ARHGEF2: variants seen among roughly 807,000 people sequenced by gnomAD.
The protein encoded by ARHGEF2 is Rho/Rac guanine nucleotide exchange factor 2, also known as rho guanine nucleotide exchange factor 2.
Under a neutral mutation model 121.0 loss-of-function variants are expected in ARHGEF2, and 22 were observed. That is an observed-to-expected ratio of 0.18 (90% CI 0.13 to 0.26). The LOEUF is 0.26. Among genes scored for constraint, ARHGEF2 ranks in the 10% least tolerant of loss-of-function variants. The pLI, the probability that ARHGEF2 is intolerant of heterozygous loss-of-function variation, is 1.00. For synonymous variants in ARHGEF2, 487 were observed against 530.0 expected (o/e 0.92, Z 1.11); for missense variants, 907 against 1,336.0 (o/e 0.68, Z 5.01).
At position 155,951,180 on chromosome 1, in the gene ARHGEF2, A is replaced by G; in HGVS notation, c.2352T>C (p.Asp784=). ...REKLCRANSR[D]GEAGRAGAAP... is the part of the protein sequence containing the mutation. Reference sequence around the variant, plus strand: ...CAGCCCCAGCCCTGCCAGCCTCCCCATCCCGAGAGTTGGCTCGGCACAGCT... The same window carrying G: ...CAGCCCCAGCCCTGCCAGCCTCCCCGTCCCGAGAGTTGGCTCGGCACAGCT... Residue 784 remains aspartate, a synonymous_variant, in exon 20 of 22, where the codon GAT becomes GAC. Transcript: ENST00000361247. The surrounding 1 kb of genome is among the most constrained non-coding windows in gnomAD (Gnocchi z 5.1). 6.2e-7 allele frequency: 1 copy of G among 1,607,532 alleles called. No individual in the cohort carries two copies. The highest frequency in any genetic ancestry group is 8.5e-7 in the Non-Finnish European group (1 of 1,178,296).
chr1:155,954,549 A>G (rs1235054612), intron 14 of ARHGEF2, among the ~76,000 whole-genome samples: 2 of 150,200 alleles, frequency 1.3e-5, no homozygotes, highest in African/African-American at 4.9e-5. Context: ...CGGCCTCCCA[A>G]AGTGCTGGGA....
chr1:155,964,160 A>ATG (rs1558030044), intron 7 of ARHGEF2, among the ~76,000 whole-genome samples: 1 of 95,112 alleles, frequency 1.1e-5, no homozygotes, highest in Non-Finnish European at 1.9e-5. Flanking sequence ...AAAAAAAAAA[A>ATG]AAAAAAAATA....
intron 11 of ARHGEF2, 100 bp from the exon 12 acceptor site, chr1:155,958,496 TC>T: frequency 1.1e-6 from 1 of 875,950 alleles, no homozygotes; most frequent in Non-Finnish European, 1.8e-6. Flanking sequence ...AGGTTAGAGC[TC>T]CCAGTTTCCC....
chr1:155,962,730 T>G lies in ARHGEF2; in HGVS notation c.976-12A>C. On this transcript the variant is annotated splice_polypyrimidine_tract_variant and intron_variant, in intron 8 of 21. Transcript: ENST00000361247. The surrounding 1 kb of genome is among the most constrained non-coding windows in gnomAD (Gnocchi z 5.8). ...CTAGGACCTGAGAACTAGAAGTTGG[T>G]CGAGTAAGGTTAGGTCAGCATTCCC... is the stretch of plus-strand genomic sequence containing the variant. 1 of 1,614,056 alleles carries G rather than the reference T, an allele frequency of 6.2e-7. No individual in the cohort carries two copies. The highest frequency in any genetic ancestry group is 8.5e-7 in the Non-Finnish European group (1 of 1,179,976).
intron 14 of ARHGEF2, among the ~76,000 whole-genome samples, chr1:155,953,980 GT>G (rs1356747100): frequency 6.6e-6 from 1 of 151,494 alleles, no homozygotes; most frequent in African/African-American, 2.4e-5. Context: ...CCTTGTTGGG[GT>G]TTTTTTTGTT....
rs1572059451 is a variant in ARHGEF2, at chr1:155,952,245, A to G, written c.1985-10T>C. ...TCTTTCAGACCCTCCACTGTGGGGA[A>G]AGAGGAAGAGGTGAGAACAGGAATG... On this transcript the variant is annotated splice_polypyrimidine_tract_variant and intron_variant, in intron 15 of 21. Transcript: ENST00000361247. 1.9e-6 allele frequency: 3 copies of G among 1,613,668 alleles called. No homozygotes were observed. Among genetic ancestry groups the G allele is most frequent in the African/African-American group, 1.3e-5 (1 of 74,942 alleles).
intron 1 of ARHGEF2, chr1:155,977,953 G>A (rs1341376447): frequency 8.2e-6 from 3 of 365,976 alleles, no homozygotes; most frequent in South Asian, 2.1e-4. Context: ...GGAGTGATGG[G>A]GGGTCGCCAC....
At position 155,965,333 on chromosome 1, in the gene ARHGEF2, T is replaced by C; in HGVS notation, c.550A>G (p.Thr184Ala). The change falls in exon 6 of 22, where the codon ACC becomes GCC. Residue 184 changes from threonine to alanine, a missense_variant. Thr to Ala is a moderately conservative substitution (Grantham distance 58). This residue lies in a region of ARHGEF2 where 475 missense variants were observed against 776.5 expected (regional missense o/e 0.61). Coordinates refer to ENST00000361247, the MANE Select transcript of ARHGEF2 (RefSeq NM_001162383.2). This position sits in a 1 kb window ranked among gnomAD's most constrained non-coding sequence, Gnocchi z 6.0. ...TCAATGAGGGATTCCACGGATAGGG[T>C]TCGGTTCCGCATGTTGAGGGAGTCT... ...STDSLNMRNRTLSVESLIDEA... is the reference protein window; with the variant it reads ...STDSLNMRNRALSVESLIDEA... The C allele has an allele frequency of 6.2e-7, 1 of 1,614,044 alleles. No homozygotes were observed. The highest frequency in any genetic ancestry group is 1.3e-5 in the African/African-American group (1 of 74,992).
chr1:155,950,134 T>G lies in ARHGEF2; in HGVS notation c.2887+165A>C. On this transcript the variant is annotated intron_variant, in intron 21 of 21. Transcript: ENST00000361247. The surrounding 1 kb of genome is among the most constrained non-coding windows in gnomAD (Gnocchi z 5.2). ...TTGGAGGAGAGAGGCCCCTCCTGCTTCCTAGACTTCCACCACCCATTCATC... is the reference window on the plus strand; with the variant it reads ...TTGGAGGAGAGAGGCCCCTCCTGCTGCCTAGACTTCCACCACCCATTCATC... 1.2e-6 allele frequency: 1 copy of G among 815,140 alleles called. No homozygotes were observed. 50.5% of individuals were successfully genotyped at this position (815,140 alleles called of 1,614,324 possible).
chr1:155,963,280 A>C, intron 7 of ARHGEF2, 97 bp from the exon 8 acceptor site: 1 of 1,221,870 alleles, frequency 8.2e-7, no homozygotes, highest in South Asian at 1.3e-5. Context: ...GAGGTTTTCA[A>C]GGTCCATTCC....
chr1:155,969,065 A>G, intron 2 of ARHGEF2, 91 bp downstream of exon 2: 1 of 1,506,322 alleles, frequency 6.6e-7, no homozygotes, highest in South Asian at 1.2e-5. Context: ...GAGAAGAGTG[A>G]CCCTCATGGA....
upstream of ARHGEF2, chr1:155,979,203 C>G (rs1681887226): frequency 1.0e-6 from 1 of 985,612 alleles, no homozygotes; most frequent in Non-Finnish European, 1.2e-6. Context: ...TGACCCCACT[C>G]TGCCCTCCTC....
In ARHGEF2 at chr1:155,962,249, G is replaced by C. The variant is rs1416527737; in HGVS notation, c.1102-27C>G. The C allele has an allele frequency of 5.0e-6, 8 of 1,604,622 alleles. No individual in the cohort carries two copies. Among genetic ancestry groups the C allele is most frequent in the Non-Finnish European group, 6.0e-6 (7 of 1,172,428 alleles). On this transcript the variant is annotated intron_variant, in intron 9 of 21. Transcript: ENST00000361247. The surrounding 1 kb of genome is among the most constrained non-coding windows in gnomAD (Gnocchi z 5.8). ...TACAAGGGAGGAGGCAGGGCTCAGG[G>C]CCAGAGGGGAGGGCAACAGAAAGGC... is the stretch of plus-strand genomic sequence containing the variant.
Position 155,978,229 on chromosome 1 carries a change from G to A in ARHGEF2, c.63+136C>T, listed in dbSNP as rs1449040860. 1.6e-5 allele frequency: 16 copies of A among 973,168 alleles called. No individual in the cohort carries two copies. In the South Asian group the frequency reaches 2.8e-4, roughly 17 times the overall value. 60.3% of individuals were successfully genotyped at this position (973,168 alleles called of 1,614,324 possible). A position where few individuals can be genotyped will look rare whatever the true frequency, so the allele number is the denominator to read the frequency against. On this transcript the variant is annotated intron_variant, in intron 1 of 21. Coordinates refer to ENST00000361247, the MANE Select transcript of ARHGEF2 (RefSeq NM_001162383.2). This position sits in a 1 kb window ranked among gnomAD's most constrained non-coding sequence, Gnocchi z 4.1. ...TCGCAGTCCCCACCCACCCCGTCCCGCCGCTCGCCGATCCACCGCTCCGCC... is the reference window on the plus strand; with the variant it reads ...TCGCAGTCCCCACCCACCCCGTCCCACCGCTCGCCGATCCACCGCTCCGCC...
chr1:155,976,354 C>A (rs1681290863), intron 1 of ARHGEF2, among the ~76,000 whole-genome samples: 1 of 151,768 alleles, frequency 6.6e-6, no homozygotes, highest in African/African-American at 2.4e-5. Flanking sequence ...CCCCTTCCGA[C>A]CGGCCCAAAC....
Position 155,962,587 on chromosome 1 carries a change from G to A in ARHGEF2, c.1101+6C>T, listed in dbSNP as rs779399838. 43 of 1,612,940 alleles carry A rather than the reference G, an allele frequency of 2.7e-5. No homozygotes were observed. The highest frequency in any genetic ancestry group is 1.9e-4 in the Middle Eastern group (1 of 5,368). ...ATGAGCATGGGATCTGGAGAGGTCC[G>A]CTCACCCGGATGAATTGCTGGAAGC... On this transcript the variant is annotated splice_donor_region_variant and intron_variant, in intron 9 of 21. Coordinates refer to ENST00000361247, the MANE Select transcript of ARHGEF2 (RefSeq NM_001162383.2). The surrounding 1 kb of genome is among the most constrained non-coding windows in gnomAD (Gnocchi z 5.8).
Position 155,957,739 on chromosome 1 carries a change from G to T in ARHGEF2, c.1689C>A (p.Ile563=), listed in dbSNP as rs200042933. ...TGCGCACGCTCTGCTGAATGACCCG[G>T]ATCCAGGTGCTCCGGTCATCCCGGG... The part of the protein sequence containing the change: ...TASRDDRSTW[I]RVIQQSVRTC... The change falls in exon 13 of 22, where the codon ATC becomes ATA. Residue 563 remains isoleucine (I), a synonymous_variant. Transcript: ENST00000361247. 6.2e-7 allele frequency: 1 copy of T among 1,613,950 alleles called. No homozygotes were observed. The highest frequency in any genetic ancestry group is 1.1e-5 in the South Asian group (1 of 91,066).
Position 155,951,013 on chromosome 1 carries a change from C to T in ARHGEF2, c.2519G>A (p.Arg840Gln), listed in dbSNP as rs768368724. Residue 840 changes from arginine (R) to glutamine (Q), a missense_variant, in exon 20 of 22, where the codon CGG becomes CAG. Physicochemically the swap from Arg to Gln is conservative, Grantham distance 43 (BLOSUM62 1). This residue lies in a region of ARHGEF2 where 432 missense variants were observed against 559.5 expected (regional missense o/e 0.77). Coordinates refer to ENST00000361247, the MANE Select transcript of ARHGEF2 (RefSeq NM_001162383.2). This position sits in a 1 kb window ranked among gnomAD's most constrained non-coding sequence, Gnocchi z 5.1. ...TEAGSLEARL[R>Q]ESEQARALLE... is the part of the protein sequence containing the mutation. Reference sequence around the variant, plus strand: ...CAGTGCCCGGGCCTGCTCACTCTCCCGGAGCCGGGCCTCCAGGCTGCCAGC... The same window carrying T: ...CAGTGCCCGGGCCTGCTCACTCTCCTGGAGCCGGGCCTCCAGGCTGCCAGC... 1.6e-5 allele frequency: 25 copies of T among 1,606,130 alleles called. No individual in the cohort carries two copies. The highest frequency in any genetic ancestry group is 1.4e-4 in the Admixed American group (8 of 59,238).
chr1:155,972,697 C>CG (rs1553249403), intron 1 of ARHGEF2, among the ~76,000 whole-genome samples: 1 of 148,008 alleles, frequency 6.8e-6, no homozygotes, highest in East Asian at 2.0e-4. Flanking sequence ...CATCTAGATA[C>CG]TTTTTTTTTT....
Sources: gnomAD v4.1 joint callset for allele counts (sites outside exome capture counted in the v4.1 genomes callset) on GRCh38, gnomAD v4.1.1 for gene constraint, gnomAD v4.1.1 regional missense constraint, Gnocchi (gnomAD v3.1) non-coding constraint, MANE v1.5 for transcripts, NCBI Gene and HGNC (gene_info 2026-07-23, HGNC 2026-07-21) for gene names.